The following SRBD1 variants were observed in gnomAD, a reference collection of about 807,000 sequenced individuals.
SRBD1 encodes S1 RNA-binding domain-containing protein 1.
Under a neutral mutation model 115.3 loss-of-function variants are expected in SRBD1, and 88 were observed. That is an observed-to-expected ratio of 0.76 (90% confidence interval 0.64 to 0.91). The LOEUF (loss-of-function observed/expected upper bound fraction) is 0.91, where lower values mean the gene tolerates loss of function less well. SRBD1 is among the 40% of genes least tolerant of loss of function. The pLI is 0.00. For synonymous variants in SRBD1, 509 were observed against 407.7 expected (o/e 1.25, Z -2.99); for missense variants, 1,385 against 1,177.4 (o/e 1.18, Z -2.58).
intron 14 of SRBD1, among the ~76,000 whole-genome samples, chr2:45,544,596 C>T (rs892090041): frequency 6.6e-6 from 1 of 152,144 alleles, no homozygotes; most frequent in Admixed American, 6.5e-5. Context: ...CATGATACCA[C>T]AATACATAGA....
chr2:45,415,682 G>A (rs1336731025), intron 18 of SRBD1, among the ~76,000 whole-genome samples: 21 of 7,768 alleles, frequency 2.7e-3, no homozygotes, highest in Non-Finnish European at 3.0e-3. Flanking sequence ...GGGAGGGGAG[G>A]GGACGGGAGA....
At chr2:45,513,647 A>T (rs2103933099) in intron 14 of SRBD1, among the ~76,000 whole-genome samples, 1 of 152,276 alleles carries the variant, frequency 6.6e-6, no homozygotes, top group South Asian at 2.1e-4. Context: ...TCCCTTCAAG[A>T]AAATGAGGAG....
chr2:45,555,046 C>T (rs1672429529), intron 10 of SRBD1, among the ~76,000 whole-genome samples: 1 of 151,314 alleles, frequency 6.6e-6, no homozygotes, highest in Non-Finnish European at 1.5e-5. Flanking sequence ...CCCAACCAAT[C>T]AAAGACCACA....
intron 1 of SRBD1, among the ~76,000 whole-genome samples, chr2:45,609,643 A>G (rs1279931586): frequency 6.6e-6 from 1 of 152,114 alleles, no homozygotes; most frequent in Non-Finnish European, 1.5e-5. Context: ...CTCTTGTCAT[A>G]ACATTCTTTC....
chr2:45,451,479 T>G (rs535314249), intron 16 of SRBD1, among the ~76,000 whole-genome samples: 4 of 152,044 alleles, frequency 2.6e-5, no homozygotes, highest in Non-Finnish European at 5.9e-5. Flanking sequence ...GAGTACTAGG[T>G]ATGACATACT....
At chr2:45,433,829 G>A (rs1054090669) in intron 16 of SRBD1, among the ~76,000 whole-genome samples, 14 of 152,288 alleles carry the variant, frequency 9.2e-5, no homozygotes, top group African/African-American at 2.9e-4. Context: ...ATTTTCATAA[G>A]CACATTCTTT....
chr2:45,431,166 T>A (rs181158617), intron 16 of SRBD1, among the ~76,000 whole-genome samples: 1 of 152,130 alleles, frequency 6.6e-6, no homozygotes, highest in African/African-American at 2.4e-5. Context: ...GTGGAGAAAC[T>A]GGAACACTTT....
chr2:45,579,840 G>C (rs200689697), intron 7 of SRBD1, 35 bp downstream of exon 7: 1 of 1,349,196 alleles, frequency 7.4e-7, no homozygotes. Context: ...AAAAAAAAAA[G>C]AAACAAAGTT....
At chr2:45,450,078 AC>A (rs1268984568) in intron 16 of SRBD1, among the ~76,000 whole-genome samples, 3 of 152,194 alleles carry the variant, frequency 2.0e-5, no homozygotes, top group Admixed American at 1.3e-4. Flanking sequence ...TTAACAGATG[AC>A]ATAAGACCAC....
In SRBD1 at chr2:45,573,212, G is replaced by A. The variant is rs1673074625; in HGVS notation, c.1300C>T (p.His434Tyr). ...FSCNIRNIHH[H>Y]QILAINRGEN... ...CATGCAGTTTCTTTATTTACCTGAT[G>A]ATGGTGAATGTTTCTTATGTTGCAG... is the stretch of plus-strand genomic sequence containing the variant. The change falls in exon 9 of 21, where the codon CAT becomes TAT. Residue 434 changes from histidine (H) to tyrosine (Y), a missense_variant. His to Tyr is a moderately conservative substitution (Grantham distance 83, BLOSUM62 2). Transcript: ENST00000263736. 6.2e-7 allele frequency: 1 copy of A among 1,605,134 alleles called. No individual in the cohort carries two copies. The highest frequency in any genetic ancestry group is 8.5e-7 in the Non-Finnish European group (1 of 1,176,922).
chr2:45,488,137 A>G (rs1670176285), intron 15 of SRBD1, 103 bp downstream of exon 15: 3 of 945,546 alleles, frequency 3.2e-6, no homozygotes, highest in African/African-American at 1.6e-5. Flanking sequence ...TGCATGTAGT[A>G]TAACTTTTAA....
intron 14 of SRBD1, among the ~76,000 whole-genome samples, chr2:45,535,832 A>G (rs1671747817): frequency 1.3e-5 from 2 of 152,004 alleles, no homozygotes; most frequent in African/African-American, 4.8e-5. Flanking sequence ...TTTCTTTTCT[A>G]ACTCTCTTTA....
At chr2:45,495,258 G>A (rs1670419823) in intron 14 of SRBD1, among the ~76,000 whole-genome samples, 1 of 152,176 alleles carries the variant, frequency 6.6e-6, no homozygotes, top group African/African-American at 2.4e-5. Flanking sequence ...CTTTAATTTG[G>A]ATTTTGGGGT....
intron 15 of SRBD1, among the ~76,000 whole-genome samples, chr2:45,480,675 A>C (rs6712896): frequency 0.56 from 84,954 of 152,034 alleles, 24,681 homozygotes; most frequent in Non-Finnish European, 0.65. Flanking sequence ...GGAAATGATA[A>C]AAGATATCAA....
intron 14 of SRBD1, among the ~76,000 whole-genome samples, chr2:45,522,566 T>C (rs941296235): frequency 6.6e-5 from 10 of 152,182 alleles, no homozygotes; most frequent in Non-Finnish European, 1.3e-4. Context: ...AAGTATATAA[T>C]GCAAATACAG....
At chr2:45,596,743 T>C (rs577024004) in intron 4 of SRBD1, among the ~76,000 whole-genome samples, 1 of 152,262 alleles carries the variant, frequency 6.6e-6, no homozygotes, top group East Asian at 1.9e-4. Flanking sequence ...TTATGATCCC[T>C]TGTCAATTAA....
At chr2:45,440,804 G>A (rs769115753) in intron 16 of SRBD1, among the ~76,000 whole-genome samples, 2 of 152,178 alleles carry the variant, frequency 1.3e-5, no homozygotes, top group African/African-American at 2.4e-5. Flanking sequence ...GAGACAGAAA[G>A]AGAGAGACAG....
At chr2:45,520,628 G>A (rs1457951374) in intron 14 of SRBD1, among the ~76,000 whole-genome samples, 2 of 152,138 alleles carry the variant, frequency 1.3e-5, no homozygotes, top group Non-Finnish European at 2.9e-5. Flanking sequence ...TGAACCCCAG[G>A]CTCCAGGAGC....
At chr2:45,454,491 G>A (rs189135589) in intron 16 of SRBD1, among the ~76,000 whole-genome samples, 142 of 151,824 alleles carry the variant, frequency 9.4e-4, no homozygotes, top group Non-Finnish European at 1.4e-3. Flanking sequence ...TCCACCCAAC[G>A]GCACTGTGAA....
Sources: allele counts gnomAD v4.1 joint callset (sites outside exome capture counted in the v4.1 genomes callset), GRCh38; gene constraint gnomAD v4.1.1; transcripts MANE v1.5; gene names NCBI Gene and HGNC (gene_info 2026-07-23, HGNC 2026-07-21).